ABCC1: variants seen among roughly 807,000 people sequenced by gnomAD.
ABCC1 encodes the protein ATP binding cassette subfamily C member 1 (ABCC1 blood group), also known as multidrug resistance-associated protein 1.
A neutral mutation model predicts 172.9 loss-of-function variants in ABCC1; 83 were observed. That is an observed-to-expected ratio of 0.48 (90% CI 0.40 to 0.58). The LOEUF (loss-of-function observed/expected upper bound fraction) is 0.58. ABCC1 is among the 20% of genes least tolerant of loss of function. ABCC1 has a pLI of 0.00. For synonymous variants in ABCC1, 937 were observed against 825.2 expected, an observed-to-expected ratio of 1.14 and a Z score of -2.32; for missense variants, 1,817 against 2,002.7, an observed-to-expected ratio of 0.91 and a Z score of 1.77.
chr16:16,138,121 T>C (rs184433637), intron 29 of ABCC1, among the ~76,000 whole-genome samples: 29 of 152,282 alleles, frequency 1.9e-4, no homozygotes, highest in East Asian at 1.4e-3. Context: ...CCTCCCAAAG[T>C]GCTCAGATTG....
intron 1 of ABCC1, among the ~76,000 whole-genome samples, chr16:15,951,205 C>G (rs2151468046): frequency 6.6e-6 from 1 of 152,154 alleles, no homozygotes; most frequent in South Asian, 2.1e-4. Context: ...CTGTGAATTC[C>G]AGAATATTCT....
intron 12 of ABCC1, among the ~76,000 whole-genome samples, chr16:16,065,165 C>T (rs973713872): frequency 9.2e-5 from 14 of 152,146 alleles, no homozygotes; most frequent in Non-Finnish European, 8.8e-5. Flanking sequence ...AAATGAGGTA[C>T]AGGGAAGGGA....
At position 16,111,521 on chromosome 16, in the gene ABCC1, C is replaced by T. The variant is rs200753907; in HGVS notation, c.3018C>T (p.Asn1006=). 394 of 1,614,134 alleles carry T rather than the reference C, an allele frequency of 2.4e-4. No homozygotes were observed. In the African/African-American group the frequency reaches 4.4e-3, roughly 18 times the overall value. ...LSLWTDDPIV[N]GTQEHTKVRL... ...TCTGGACTGATGACCCCATCGTCAA[C>T]GGGACTCAGGAGCACACGAAAGTCC... The change falls in exon 22 of 31, where the codon AAC becomes AAT. Residue 1006 remains asparagine, a synonymous_variant. Coordinates refer to ENST00000399410, the MANE Select transcript of ABCC1 (RefSeq NM_004996.4).
rs925203877 is a variant in ABCC1, at chr16:16,142,510, C to T, written c.*1229C>T. 6.6e-6 allele frequency: 1 copy of T among 152,188 alleles called. No homozygotes were observed. The highest frequency in any genetic ancestry group is 2.4e-5 in the African/African-American group (1 of 41,456). The allele number at this position is 152,188 out of a possible 1,614,324, so 9.4% of individuals were successfully genotyped here. On this transcript the variant is annotated 3_prime_UTR_variant, in exon 31 of 31. Transcript: ENST00000399410. ...ATTCTCTCCCTTGGCATCCGGTTAG[C>T]CCCCCAGGGGGGGCAGCATTGTGGA...
chr16:16,111,609 C>G, intron 22 of ABCC1, 27 bp downstream of exon 22: 1 of 1,591,296 alleles, frequency 6.3e-7, no homozygotes, highest in South Asian at 1.1e-5. Context: ...CCCACCCCGC[C>G]TGATTTGGGC....
At chr16:16,075,707 C>CAT (rs2050532060) in intron 14 of ABCC1, among the ~76,000 whole-genome samples, 1 of 152,204 alleles carries the variant, frequency 6.6e-6, no homozygotes, top group Non-Finnish European at 1.5e-5. Context: ...GCCCTCGTAC[C>CAT]ACACTTCCTG....
intron 1 of ABCC1, among the ~76,000 whole-genome samples, chr16:15,967,210 T>A (rs1252765204): frequency 6.6e-6 from 1 of 152,016 alleles, no homozygotes; most frequent in Non-Finnish European, 1.5e-5. Context: ...TGAAGAGATG[T>A]TGTAGCTCCA....
chr16:16,021,690 G>C (rs1019676456), intron 5 of ABCC1, among the ~76,000 whole-genome samples: 2 of 152,178 alleles, frequency 1.3e-5, no homozygotes, highest in Non-Finnish European at 2.9e-5. Flanking sequence ...CTGGGCAACA[G>C]ACTGAGACCC....
intron 17 of ABCC1, among the ~76,000 whole-genome samples, chr16:16,085,695 G>T (rs1323432653): frequency 1.3e-5 from 2 of 152,344 alleles, no homozygotes; most frequent in East Asian, 3.9e-4. Flanking sequence ...TGAGAGGATT[G>T]CTTGAACCTG....
At chr16:16,124,228 T>C (rs1370097712) in intron 24 of ABCC1, among the ~76,000 whole-genome samples, 2 of 152,140 alleles carry the variant, frequency 1.3e-5, no homozygotes, top group Non-Finnish European at 2.9e-5. Context: ...GAAACGATGG[T>C]TATTTTAAAT....
At chr16:15,951,393 A>T (rs897758039) in intron 1 of ABCC1, among the ~76,000 whole-genome samples, 2 of 152,104 alleles carry the variant, frequency 1.3e-5, no homozygotes, top group Admixed American at 6.5e-5. Context: ...AATATTTTTT[A>T]AAATTTTTAT....
At chr16:16,044,099 A>G (rs2049097754) in intron 7 of ABCC1, among the ~76,000 whole-genome samples, 1 of 152,232 alleles carries the variant, frequency 6.6e-6, no homozygotes. Context: ...TGGAGCCATC[A>G]GTTTTCTAAG....
intron 14 of ABCC1, chr16:16,076,094 A>C: frequency 3.8e-6 from 2 of 524,908 alleles, no homozygotes; most frequent in Non-Finnish European, 6.6e-6. Context: ...CCATCTTACA[A>C]GGACAAAGCT....
chr16:16,106,972 C>G (rs1460223508), intron 21 of ABCC1, 99 bp downstream of exon 21: 32 of 1,486,194 alleles, frequency 2.2e-5, no homozygotes, highest in Non-Finnish European at 2.8e-5. Flanking sequence ...GTTAACTCAC[C>G]TGTCCATCAC....
chr16:16,134,493 C>A lies in ABCC1; in HGVS notation c.4110C>A (p.Ile1370=), dbSNP rs1393227080. 6.2e-7 allele frequency: 1 copy of A among 1,614,072 alleles called. No homozygotes were observed. The highest frequency in any genetic ancestry group is 1.3e-5 in the African/African-American group (1 of 74,946). Residue 1370 remains isoleucine, a synonymous_variant, in exon 28 of 31, where the codon ATC becomes ATA. Transcript: ENST00000399410. ...GCCTGCACGACCTCCGCTTCAAGAT[C>A]ACCATCATCCCCCAGGTGGGGTCTG... ...KIGLHDLRFK[I]TIIPQDPVLF... is the part of the protein sequence containing the mutation.
At chr16:16,040,069 TGTA>T (rs2048916661) in intron 7 of ABCC1, among the ~76,000 whole-genome samples, 4 of 99,052 alleles carry the variant, frequency 4.0e-5, no homozygotes, top group Non-Finnish European at 8.8e-5. Context: ...TTTGTTTGTA[TGTA>T]TGTATGTATG....
intron 15 of ABCC1, among the ~76,000 whole-genome samples, chr16:16,078,784 C>G (rs2050690292): frequency 1.3e-5 from 2 of 152,170 alleles, no homozygotes; most frequent in African/African-American, 2.4e-5. Flanking sequence ...TCAAGTGATT[C>G]TTGTGCCTCA....
chr16:16,120,889 T>G (rs374439391), intron 23 of ABCC1, among the ~76,000 whole-genome samples: 42 of 152,198 alleles, frequency 2.8e-4, no homozygotes, highest in African/African-American at 1.0e-3. Context: ...ATGGACACAG[T>G]CACTCCTGAG....
intron 1 of ABCC1, among the ~76,000 whole-genome samples, chr16:16,005,287 C>A (rs2151709502): frequency 6.6e-6 from 1 of 151,806 alleles, no homozygotes. Flanking sequence ...AAGATTGGCC[C>A]CTCCCAGCTC....
Sources: allele counts gnomAD v4.1 joint callset (sites outside exome capture counted in the v4.1 genomes callset), GRCh38; gene constraint gnomAD v4.1.1; transcripts MANE v1.5; gene names NCBI Gene and HGNC (gene_info 2026-07-23, HGNC 2026-07-21).